The following PARM1 variants were observed in gnomAD, a reference collection of about 807,000 sequenced individuals.
The protein encoded by PARM1 is WSC4, cell wall integrity and stress response component 4 homolog.
A neutral mutation model predicts 24.6 loss-of-function variants in PARM1; 14 were observed. The observed-to-expected ratio is 0.57, with a 90% CI of 0.38 to 0.89. The LOEUF (loss-of-function observed/expected upper bound fraction) is 0.89, where lower values mean the gene tolerates loss of function less well. PARM1 is among the 40% of genes least tolerant of loss of function. PARM1 has a pLI of 0.00. For missense variants in PARM1, 362 were observed against 380.4 expected (o/e 0.95, Z 0.40); for synonymous variants, 179 against 156.6 (o/e 1.14, Z -1.07).
In PARM1 at chr4:74,997,828, A is replaced by G. The variant is rs192229841; in HGVS notation, c.44-14597A>G. The G allele has an allele frequency of 3.3e-5, 5 of 152,212 alleles. No individual in the cohort carries two copies. The East Asian group carries it at 7.7e-4, about 23-fold the overall frequency. The allele number at this position is 152,212 out of a possible 1,614,324, so 9.4% of individuals were successfully genotyped here. ...ATAGGAATATATTAAAAAGTGGTTTATAAGGTTTAAAATGGGCAGAGTTAT... is the reference window on the plus strand; with the variant it reads ...ATAGGAATATATTAAAAAGTGGTTTGTAAGGTTTAAAATGGGCAGAGTTAT... On this transcript the variant is annotated intron_variant, in intron 1 of 3. Coordinates refer to ENST00000307428, the MANE Select transcript of PARM1 (RefSeq NM_015393.4).
At position 75,027,687 on chromosome 4, in the gene PARM1, A is replaced by G. The variant is rs116490993; in HGVS notation, c.770-6196A>G. Among the ~76,000 whole-genome samples the G allele has an allele frequency of 4.1e-3, 629 of 152,300 alleles. 4 individuals are homozygous for G. Among genetic ancestry groups the G allele is most frequent in the African/African-American group, 0.014 (595 of 41,550 alleles). On this transcript the variant is annotated intron_variant, in intron 2 of 3. Coordinates refer to ENST00000307428, the MANE Select transcript of PARM1 (RefSeq NM_015393.4). ...GCACCACAGCACACACTAGAAACCA[A>G]TGACCTGAACGATCTAAGGTTGCTG...
chr4:75,032,838 C>T (rs1320998105), intron 2 of PARM1, among the ~76,000 whole-genome samples: 1 of 152,178 alleles, frequency 6.6e-6, no homozygotes. Flanking sequence ...TGTTGAAGTA[C>T]TAGTAAATAA....
intron 1 of PARM1, among the ~76,000 whole-genome samples, chr4:74,940,944 A>T (rs7685380): frequency 0.87 from 133,047 of 152,194 alleles, 58,583 homozygotes; most frequent in East Asian, 1. Context: ...TATATCTCAG[A>T]ATTACAACAT....
chr4:75,000,416 A>G (rs1486337703), intron 1 of PARM1, among the ~76,000 whole-genome samples: 1 of 152,156 alleles, frequency 6.6e-6, no homozygotes, highest in Admixed American at 6.5e-5. Context: ...GGCCTGGTGG[A>G]TCAACAATAT....
chr4:74,951,069 A>G (rs1320485433), intron 1 of PARM1, among the ~76,000 whole-genome samples: 2 of 152,256 alleles, frequency 1.3e-5, no homozygotes, highest in Non-Finnish European at 2.9e-5. Flanking sequence ...TTGGAGACCA[A>G]CAGAGAATGG....
chr4:74,972,920 G>C (rs541589502), intron 1 of PARM1, among the ~76,000 whole-genome samples: 1 of 152,172 alleles, frequency 6.6e-6, no homozygotes, highest in African/African-American at 2.4e-5. Flanking sequence ...GAGAAGGCAA[G>C]GCTTTGCTTT....
In PARM1 at chr4:75,013,157, C is replaced by A; in HGVS notation, c.769+7C>A. ...GAACATGCATTAAGTTCAGGTGAGT[C>A]TCTATCCAGTCCACTAGTTTTCTTT... On this transcript the variant is annotated splice_region_variant and intron_variant, in intron 2 of 3. Coordinates refer to ENST00000307428, the MANE Select transcript of PARM1 (RefSeq NM_015393.4). The A allele has an allele frequency of 1.2e-6, 2 of 1,605,380 alleles. No homozygotes were observed. The highest frequency in any genetic ancestry group is 1.7e-6 in the Non-Finnish European group (2 of 1,175,696).
At chr4:74,996,281 A>T (rs148813431) in intron 1 of PARM1, among the ~76,000 whole-genome samples, 165 of 152,120 alleles carry the variant, frequency 1.1e-3, no homozygotes, top group African/African-American at 3.9e-3. Flanking sequence ...GAGGGCAGTG[A>T]CTCTGTGCAT....
At chr4:75,003,648 G>T (rs1179195565) in intron 1 of PARM1, among the ~76,000 whole-genome samples, 1 of 152,082 alleles carries the variant, frequency 6.6e-6, no homozygotes. Context: ...ATTCTGTTTT[G>T]ACATATGATA....
At chr4:74,977,860 C>T (rs570566452) in intron 1 of PARM1, among the ~76,000 whole-genome samples, 87 of 152,242 alleles carry the variant, frequency 5.7e-4, no homozygotes, top group Non-Finnish European at 1.1e-3. Context: ...CATATCAGGC[C>T]AAACTAAGCT....
rs751414685 is a variant in PARM1 at position 75,012,650 on chromosome 4, T to C, written c.269T>C (p.Ile90Thr). Residue 90 changes from isoleucine (I) to threonine (T), a missense_variant, in exon 2 of 4, where the codon ATC becomes ACC. Physicochemically the swap from Ile to Thr is moderately conservative, Grantham distance 89. Transcript: ENST00000307428. ...TCCATAGAGTCCAGAGAAGAGGAGA[T>C]CACCAGCCCAGGTTCGAATTGGGAA... The part of the protein sequence containing the change: ...NISIESREEE[I>T]TSPGSNWEGT... The C allele has an allele frequency of 3.1e-6, 5 of 1,613,898 alleles. No homozygotes were observed. The highest frequency in any genetic ancestry group is 4.2e-6 in the Non-Finnish European group (5 of 1,179,850).
intron 2 of PARM1, among the ~76,000 whole-genome samples, chr4:75,016,731 A>G (rs1722996202): frequency 6.6e-6 from 1 of 150,804 alleles, no homozygotes. Context: ...TCACTTCCTC[A>G]TTTTCCTTCA....
chr4:74,935,776 T>C (rs1721170072), intron 1 of PARM1, among the ~76,000 whole-genome samples: 1 of 152,180 alleles, frequency 6.6e-6, no homozygotes, highest in Admixed American at 6.5e-5. Context: ...CTTGCAAATA[T>C]GTGTGCGTTG....
chr4:74,957,448 C>G (rs1721660448), intron 1 of PARM1: 1 of 151,928 alleles, frequency 6.6e-6, no homozygotes, highest in African/African-American at 2.4e-5. Context: ...TACAGGAGGT[C>G]TTGGATGAAT....
chr4:75,035,841 C>A (rs772362584), intron 3 of PARM1, among the ~76,000 whole-genome samples: 4 of 152,124 alleles, frequency 2.6e-5, no homozygotes, highest in Non-Finnish European at 4.4e-5. Context: ...CCAGAAGTTT[C>A]CCCCAGATTT....
At chr4:75,005,514 G>C (rs1037746054) in intron 1 of PARM1, among the ~76,000 whole-genome samples, 5 of 152,146 alleles carry the variant, frequency 3.3e-5, no homozygotes, top group Admixed American at 6.5e-5. Flanking sequence ...AGGAGGCACA[G>C]AAGGCAGACT....
At chr4:75,045,666 G>T (rs556430108) in intron 3 of PARM1, among the ~76,000 whole-genome samples, 12 of 152,290 alleles carry the variant, frequency 7.9e-5, no homozygotes, top group African/African-American at 2.9e-4. Context: ...CCTGCCCCAT[G>T]GCCTTATTTT....
chr4:74,992,845 G>C (rs1351976179), intron 1 of PARM1, among the ~76,000 whole-genome samples: 3 of 152,150 alleles, frequency 2.0e-5, no homozygotes, highest in Admixed American at 6.6e-5. Context: ...AAATTCTTCA[G>C]GTAGAAGGAA....
At chr4:74,944,133 C>T (rs1226189013) in intron 1 of PARM1, among the ~76,000 whole-genome samples, 1 of 152,154 alleles carries the variant, frequency 6.6e-6, no homozygotes, top group Non-Finnish European at 1.5e-5. Context: ...TATCCCCCAG[C>T]TACATCATGA....
Sources: gnomAD v4.1 joint callset for allele counts (sites outside exome capture counted in the v4.1 genomes callset) on GRCh38, gnomAD v4.1.1 for gene constraint, MANE v1.5 for transcripts, NCBI Gene and HGNC (gene_info 2026-07-23, HGNC 2026-07-21) for gene names.